The following GABBR2 variants were observed in gnomAD, a reference collection of about 807,000 sequenced individuals.
GABBR2 encodes G-protein coupled receptor 51.
Under a neutral mutation model 105.6 loss-of-function variants are expected in GABBR2, and 23 were observed. The ratio of observed to expected loss-of-function variants is 0.22; its 90% confidence interval spans 0.16 to 0.31. The LOEUF (loss-of-function observed/expected upper bound fraction) is 0.31, where lower values mean the gene tolerates loss of function less well. Among genes scored for constraint, GABBR2 ranks in the 10% least tolerant of loss-of-function variants. GABBR2 has a pLI of 1.00. For synonymous variants in GABBR2, 478 were observed against 499.7 expected, an observed-to-expected ratio of 0.96 and a Z score of 0.58; for missense variants, 734 against 1,245.5, an observed-to-expected ratio of 0.59 and a Z score of 6.18.
At chr9:98,645,966 C>T (rs548228422) in intron 1 of GABBR2, among the ~76,000 whole-genome samples, 2 of 152,352 alleles carry the variant, frequency 1.3e-5, no homozygotes, top group East Asian at 3.9e-4. Context: ...AACTTGCCCA[C>T]AATTACCTAG....
chr9:98,538,209 G>A (rs1828218124), intron 3 of GABBR2, among the ~76,000 whole-genome samples: 1 of 152,180 alleles, frequency 6.6e-6, no homozygotes, highest in Non-Finnish European at 1.5e-5. Flanking sequence ...TTTACACAAG[G>A]GAAAAGTGGA....
intron 3 of GABBR2, among the ~76,000 whole-genome samples, chr9:98,505,185 T>C (rs1305703120): frequency 3.9e-5 from 6 of 152,236 alleles, no homozygotes; most frequent in Non-Finnish European, 7.3e-5. Context: ...ATGTGGTGTA[T>C]TTCTGCCTGT....
intron 3 of GABBR2, among the ~76,000 whole-genome samples, chr9:98,527,250 C>T (rs773198635): frequency 7.9e-5 from 12 of 151,934 alleles, no homozygotes; most frequent in Non-Finnish European, 1.6e-4. Flanking sequence ...ATCAGGGACA[C>T]AGAAAAATTA....
rs1280142175 is a variant in GABBR2 at position 98,406,101 on chromosome 9, A to G, written c.1277T>C (p.Ile426Thr). 6.3e-7 allele frequency: 1 copy of G among 1,576,944 alleles called. No homozygotes were observed. The highest frequency in any genetic ancestry group is 8.7e-7 in the Non-Finnish European group (1 of 1,152,638). ...VFRNGERMGT[I>T]KFTQFQDSRE... Reference sequence around the variant, plus strand: ...CCTACCTTGAAATTGAGTAAATTTAATGGTCCCCATTCTCTCCCCATTCCG... The same window carrying G: ...CCTACCTTGAAATTGAGTAAATTTAGTGGTCCCCATTCTCTCCCCATTCCG... The change falls in exon 8 of 19, where the codon ATT (isoleucine) becomes ACT (threonine). Residue 426 changes from isoleucine (I) to threonine (T), a missense_variant. Transcript: ENST00000259455.
chr9:98,472,589 C>T (rs1382224008), intron 6 of GABBR2, among the ~76,000 whole-genome samples: 3 of 152,140 alleles, frequency 2.0e-5, no homozygotes, highest in Admixed American at 1.3e-4. Flanking sequence ...AAGGGACATC[C>T]TAAGATCACA....
intron 1 of GABBR2, among the ~76,000 whole-genome samples, chr9:98,696,777 A>C (rs942593784): frequency 6.6e-6 from 1 of 152,184 alleles, no homozygotes; most frequent in African/African-American, 2.4e-5. Flanking sequence ...CGAAGGTGAC[A>C]AGTTCTGCAA....
chr9:98,309,154 A>G (rs1434831615), intron 14 of GABBR2, among the ~76,000 whole-genome samples: 1 of 152,198 alleles, frequency 6.6e-6, no homozygotes, highest in Non-Finnish European at 1.5e-5. Flanking sequence ...CATGTTCTAA[A>G]TGGTGAAGCA....
chr9:98,603,362 G>C (rs545013952), intron 1 of GABBR2, among the ~76,000 whole-genome samples: 3 of 152,170 alleles, frequency 2.0e-5, no homozygotes, highest in African/African-American at 7.2e-5. Context: ...AATGGCCAAG[G>C]TTCATTCATG....
intron 13 of GABBR2, among the ~76,000 whole-genome samples, chr9:98,346,948 T>C (rs1831313035): frequency 6.6e-6 from 1 of 152,240 alleles, no homozygotes; most frequent in Admixed American, 6.5e-5. Flanking sequence ...CCATTGTGTA[T>C]ATATACAGCA....
At chr9:98,444,458 A>G (rs1330002558) in intron 7 of GABBR2, among the ~76,000 whole-genome samples, 22 of 152,162 alleles carry the variant, frequency 1.4e-4, no homozygotes, top group Admixed American at 1.4e-3. Flanking sequence ...CGTCCCCACC[A>G]TATTCAATAA....
At chr9:98,407,387 C>A (rs1832509876) in intron 7 of GABBR2, among the ~76,000 whole-genome samples, 1 of 152,160 alleles carries the variant, frequency 6.6e-6, no homozygotes, top group African/African-American at 2.4e-5. Context: ...CACCTGGACA[C>A]CTTTTTGAAA....
chr9:98,384,800 CT>C (rs1229747137), intron 11 of GABBR2, among the ~76,000 whole-genome samples: 2 of 151,946 alleles, frequency 1.3e-5, no homozygotes, highest in Non-Finnish European at 2.9e-5. Context: ...AGAAACATTA[CT>C]CTTTTTTACG....
intron 1 of GABBR2, among the ~76,000 whole-genome samples, chr9:98,669,950 GGAGAACGAAGCAAGC>G (rs903432437): frequency 2.0e-5 from 3 of 151,542 alleles, no homozygotes; most frequent in African/African-American, 7.3e-5. Flanking sequence ...AACGCAACCA[GGAGAACGAAGCAAGC>G]GACCAGGGCG....
chr9:98,683,959 G>A (rs1456869594), intron 1 of GABBR2, among the ~76,000 whole-genome samples: 1 of 136,118 alleles, frequency 7.3e-6, no homozygotes, highest in Non-Finnish European at 1.5e-5. Flanking sequence ...AGTGAGCCGA[G>A]ATCTCGCCAC....
chr9:98,299,524 G>T (rs1226534364), intron 16 of GABBR2, among the ~76,000 whole-genome samples, 171 bp from the exon 17 acceptor site: 1 of 152,206 alleles, frequency 6.6e-6, no homozygotes, highest in Non-Finnish European at 1.5e-5. Context: ...GATCCTGGCG[G>T]CTCTTTGTTC....
intron 6 of GABBR2, among the ~76,000 whole-genome samples, chr9:98,464,346 G>A (rs1413920735): frequency 2.8e-5 from 4 of 144,814 alleles, no homozygotes; most frequent in East Asian, 2.1e-4. Context: ...AGTGAGGAGC[G>A]CCTCTGCCTG....
At chr9:98,436,302 T>TAC (rs1554705752) in intron 7 of GABBR2, among the ~76,000 whole-genome samples, 2 of 93,926 alleles carry the variant, frequency 2.1e-5, no homozygotes, top group African/African-American at 4.3e-5. Context: ...TATATATATA[T>TAC]ACCCATAAAT....
At chr9:98,416,651 G>A (rs1008805166) in intron 7 of GABBR2, among the ~76,000 whole-genome samples, 5 of 152,232 alleles carry the variant, frequency 3.3e-5, no homozygotes, top group Non-Finnish European at 5.9e-5. Context: ...GGGCAGACAT[G>A]CCCCTCTTCA....
chr9:98,467,827 C>T (rs977873010), intron 6 of GABBR2, among the ~76,000 whole-genome samples: 4 of 152,258 alleles, frequency 2.6e-5, no homozygotes, highest in African/African-American at 9.6e-5. Flanking sequence ...CTTGGCCCAG[C>T]ACTGAGCCTC....
Sources: allele counts gnomAD v4.1 joint callset (sites outside exome capture counted in the v4.1 genomes callset), GRCh38; gene constraint gnomAD v4.1.1; transcripts MANE v1.5; gene names NCBI Gene and HGNC (gene_info 2026-07-23, HGNC 2026-07-21).